PPP1R9A: variants seen among roughly 807,000 people sequenced by gnomAD.
PPP1R9A encodes protein phosphatase 1 regulatory subunit 9A.
Under a neutral mutation model 141.9 loss-of-function variants are expected in PPP1R9A, and 59 were observed. The observed-to-expected ratio is 0.42, with a 90% CI of 0.34 to 0.52. The LOEUF (loss-of-function observed/expected upper bound fraction) is 0.52, where lower values mean the gene tolerates loss of function less well. Among genes scored for constraint, PPP1R9A ranks in the 20% least tolerant of loss-of-function variants. The pLI, the probability that PPP1R9A is intolerant of heterozygous loss-of-function variation, is 0.10. For missense variants in PPP1R9A, 1,444 were observed against 1,611.9 expected, an observed-to-expected ratio of 0.90 and a Z score of 1.78; for synonymous variants, 500 against 569.7, an observed-to-expected ratio of 0.88 and a Z score of 1.74.
At position 95,274,100 on chromosome 7, in the gene PPP1R9A, G is replaced by A; in HGVS notation, c.3228G>A (p.Arg1076=). The A allele has an allele frequency of 6.3e-7, 1 of 1,582,914 alleles. No individual in the cohort carries two copies. The highest frequency in any genetic ancestry group is 1.1e-5 in the South Asian group (1 of 88,398). Residue 1076 remains arginine, a synonymous_variant, in exon 16 of 20, where the codon AGG becomes AGA. Coordinates refer to ENST00000433360, the MANE Select transcript of PPP1R9A (RefSeq NM_001166160.2). ...KFVDLGAPLR[R]NSSKGKKWKE... is the part of the protein sequence containing the mutation. The stretch of plus-strand genomic sequence containing the variant: ...ATCATTACAGGGCGCCTTTGCGAAG[G>A]AATTCCAGCAAGGGAAAGAAGTGGA...
chr7:95,191,705 TTTTAA>T (rs1234881244), intron 5 of PPP1R9A, among the ~76,000 whole-genome samples: 2 of 152,120 alleles, frequency 1.3e-5, no homozygotes, highest in African/African-American at 2.4e-5. Context: ...AATACTTAAT[TTTTAA>T]TTTAATTCAT....
chr7:95,008,235 A>G (rs1803900138), intron 2 of PPP1R9A, among the ~76,000 whole-genome samples: 1 of 152,120 alleles, frequency 6.6e-6, no homozygotes, highest in South Asian at 2.1e-4. Context: ...TTGTAGTTTG[A>G]TGGTACTCTT....
At chr7:94,966,788 T>C (rs1020849872) in intron 2 of PPP1R9A, among the ~76,000 whole-genome samples, 11 of 152,188 alleles carry the variant, frequency 7.2e-5, no homozygotes, top group Non-Finnish European at 1.3e-4. Context: ...TTTTTTATTG[T>C]GTCCCTGCAG....
chr7:95,156,637 A>G (rs769588157), intron 4 of PPP1R9A: 1 of 152,284 alleles, frequency 6.6e-6, no homozygotes, highest in Admixed American at 6.5e-5. Flanking sequence ...GGATGTTCCA[A>G]TGAGAGTTCA....
chr7:94,961,503 C>T (rs1325614195), intron 2 of PPP1R9A, among the ~76,000 whole-genome samples: 5 of 151,662 alleles, frequency 3.3e-5, no homozygotes, highest in Admixed American at 3.3e-4. Flanking sequence ...GTTTGAAAGA[C>T]TGTGAGGTTC....
chr7:95,273,153 G>A (rs950546958), intron 14 of PPP1R9A, among the ~76,000 whole-genome samples: 1 of 152,136 alleles, frequency 6.6e-6, no homozygotes, highest in Non-Finnish European at 1.5e-5. Flanking sequence ...TTCCCCAGCA[G>A]CTGCTACCTT....
intron 2 of PPP1R9A, among the ~76,000 whole-genome samples, chr7:95,097,072 T>A (rs1818137927): frequency 6.6e-6 from 1 of 152,018 alleles, no homozygotes; most frequent in Admixed American, 6.6e-5. Context: ...TGTCACCCAG[T>A]CTGGAGTGCA....
chr7:95,139,568 G>A (rs1289955203), intron 4 of PPP1R9A, among the ~76,000 whole-genome samples: 1 of 152,082 alleles, frequency 6.6e-6, no homozygotes, highest in South Asian at 2.1e-4. Flanking sequence ...ATGTTATTCT[G>A]TTGCAGTGAG....
At chr7:95,265,101 T>C (rs1244355028) in intron 12 of PPP1R9A, among the ~76,000 whole-genome samples, 1 of 152,184 alleles carries the variant, frequency 6.6e-6, no homozygotes, top group African/African-American at 2.4e-5. Context: ...CTTGGATATA[T>C]GTAAAGCCAA....
At position 95,188,974 on chromosome 7, in the gene PPP1R9A, G is replaced by T. The variant is rs140700053; in HGVS notation, c.1755-9375G>T. On this transcript the variant is annotated intron_variant, in intron 5 of 19. Transcript: ENST00000433360. ...GGGTTTGTTTCAAGATTCTTGTAGT[G>T]CTGGTGTGGTGGTGATGAATTCTCT... is the stretch of plus-strand genomic sequence containing the variant. Among the ~76,000 whole-genome samples, 7 of 152,242 alleles carry T rather than the reference G, an allele frequency of 4.6e-5. No homozygotes were observed. In the East Asian group the frequency reaches 1.3e-3, roughly 29 times the overall value.
intron 14 of PPP1R9A, among the ~76,000 whole-genome samples, chr7:95,271,600 C>T (rs1052623754): frequency 1.6e-4 from 25 of 152,062 alleles, no homozygotes; most frequent in African/African-American, 3.9e-4. Context: ...TGGGAGTCCC[C>T]ATTATAAAGG....
intron 5 of PPP1R9A, among the ~76,000 whole-genome samples, chr7:95,163,157 T>C (rs995101502): frequency 2.0e-5 from 3 of 152,232 alleles, no homozygotes; most frequent in African/African-American, 7.2e-5. Context: ...AGGTAAGATA[T>C]ACATTCAACT....
chr7:95,249,014 A>C (rs979511854), intron 9 of PPP1R9A, among the ~76,000 whole-genome samples: 1 of 152,164 alleles, frequency 6.6e-6, no homozygotes, highest in African/African-American at 2.4e-5. Context: ...TAAAGTAGAT[A>C]AAGTACCAGT....
At chr7:95,105,086 T>A (rs898867515) in intron 2 of PPP1R9A, among the ~76,000 whole-genome samples, 5 of 152,208 alleles carry the variant, frequency 3.3e-5, no homozygotes, top group Non-Finnish European at 7.4e-5. Flanking sequence ...TGAGACCGTG[T>A]GGAAGCATTG....
chr7:95,102,832 T>C (rs1442127539), intron 2 of PPP1R9A, among the ~76,000 whole-genome samples: 1 of 152,200 alleles, frequency 6.6e-6, no homozygotes, highest in Admixed American at 6.5e-5. Context: ...AGCCAGAGAA[T>C]ATCCTGTTTG....
At chr7:94,959,754 G>A (rs1317331546) in intron 2 of PPP1R9A, among the ~76,000 whole-genome samples, 1 of 151,450 alleles carries the variant, frequency 6.6e-6, no homozygotes, top group African/African-American at 2.4e-5. Flanking sequence ...ACTCTAATAG[G>A]TCATATTCTC....
rs115699082 is a variant in PPP1R9A at position 95,204,378 on chromosome 7, G to A, written c.1956+648G>A. The stretch of plus-strand genomic sequence containing the variant: ...TTTATGGCAATTAGAGGAAACTGAA[G>A]AATAAAGGAAATATATTTAACAGCC... On this transcript the variant is annotated intron_variant, in intron 7 of 19. Transcript: ENST00000433360. Among the ~76,000 whole-genome samples the A allele has an allele frequency of 8.6e-3, 1,312 of 152,162 alleles. 15 individuals carry two copies. The highest frequency in any genetic ancestry group is 0.03 in the African/African-American group (1,259 of 41,516).
chr7:95,080,571 C>T (rs1815647566), intron 2 of PPP1R9A, among the ~76,000 whole-genome samples: 1 of 152,112 alleles, frequency 6.6e-6, no homozygotes, highest in Non-Finnish European at 1.5e-5. Context: ...ACTTTCTTCA[C>T]AGAATTGGAA....
intron 2 of PPP1R9A, among the ~76,000 whole-genome samples, chr7:95,050,284 T>C (rs1810614463): frequency 6.6e-6 from 1 of 152,224 alleles, no homozygotes. Context: ...TATATCTTCA[T>C]TGGTGGGATA....
Sources: gnomAD v4.1 joint callset for allele counts (sites outside exome capture counted in the v4.1 genomes callset) on GRCh38, gnomAD v4.1.1 for gene constraint, MANE v1.5 for transcripts, NCBI Gene and HGNC (gene_info 2026-07-23, HGNC 2026-07-21) for gene names.